Variants in OTUD7A observed in about 807,000 individuals in gnomAD.
OTUD7A encodes the protein OTU deubiquitinase 7A, also known as OTU domain-containing protein 7A.
OTUD7A carries 12 observed loss-of-function variants against 65.7 expected under a neutral mutation model. That is an observed-to-expected ratio of 0.18 (90% confidence interval 0.12 to 0.30). OTUD7A has a LOEUF of 0.30. Among genes scored for constraint, OTUD7A ranks in the 10% least tolerant of loss-of-function variants. The pLI is 1.00. For missense variants in OTUD7A, 1,148 were observed against 1,304.8 expected (o/e 0.88, Z 1.85); for synonymous variants, 641 against 586.3 (o/e 1.09, Z -1.35).
chr15:31,851,409 T>C (rs1595814585), intron 1 of OTUD7A, among the ~76,000 whole-genome samples: 1 of 152,176 alleles, frequency 6.6e-6, no homozygotes, highest in Non-Finnish European at 1.5e-5. Flanking sequence ...TAGTGGCTAG[T>C]AATGTCATAG....
chr15:31,721,790 C>G (rs2141349429), intron 1 of OTUD7A, among the ~76,000 whole-genome samples: 1 of 152,170 alleles, frequency 6.6e-6, no homozygotes, highest in East Asian at 1.9e-4. Context: ...CAGAGAAGAC[C>G]AGGGATGCCT....
At position 31,483,291 on chromosome 15, in the gene OTUD7A, C is replaced by CGCTCA. The variant is rs2041162949; in HGVS notation, c.2800_*2dup. 2 of 1,120,474 alleles carry CGCTCA rather than the reference C, an allele frequency of 1.8e-6. No individual in the cohort carries two copies. Among genetic ancestry groups the CGCTCA allele is most frequent in the Non-Finnish European group, 2.2e-6 (2 of 918,458 alleles). 69.4% of individuals were successfully genotyped at this position (1,120,474 alleles called of 1,614,324 possible). A position where few individuals can be genotyped will look rare whatever the true frequency, so the allele number is the denominator to read the frequency against. Reference sequence around the variant, plus strand: ...CCTCGCCGCCCGCGCCGCGCCGCGCCGCTCAGGGCCGGGCCCCGCGCGCCT... The same window carrying CGCTCA: ...CCTCGCCGCCCGCGCCGCGCCGCGCCGCTCAGCTCAGGGCCGGGCCCCGCGCGCCT... On this transcript the variant is annotated 3_prime_UTR_variant, in exon 13 of 13. Transcript: ENST00000307050.
chr15:31,743,469 T>C (rs144140153), intron 1 of OTUD7A, among the ~76,000 whole-genome samples: 21 of 152,262 alleles, frequency 1.4e-4, no homozygotes, highest in African/African-American at 4.1e-4. Context: ...GTGAAAGTTA[T>C]AGTACTAAAC....
At chr15:31,551,582 G>A (rs747776330) in intron 5 of OTUD7A, among the ~76,000 whole-genome samples, 1 of 152,206 alleles carries the variant, frequency 6.6e-6, no homozygotes, top group Non-Finnish European at 1.5e-5. Context: ...ATTAACTTCA[G>A]CTTTGGAGCA....
intron 4 of OTUD7A, among the ~76,000 whole-genome samples, chr15:31,566,195 G>GAAAAAAAAAAAAAAAAAAAA (rs67409184): frequency 9.4e-6 from 1 of 105,884 alleles, no homozygotes; most frequent in African/African-American, 2.8e-5. Flanking sequence ...CATCTCAAAA[G>GAAAAAAAAAAAAAAAAAAAA]AAAAAAAAAA....
At chr15:31,766,112 C>G (rs1335527529) in intron 1 of OTUD7A, 42 of 1,442,090 alleles carry the variant, frequency 2.9e-5, no homozygotes, top group Non-Finnish European at 4.0e-5. Context: ...CCACTGCAGT[C>G]TGCAAGTAAG....
Position 31,483,702 on chromosome 15 carries a change from C to T in OTUD7A, c.2394G>A (p.Leu798=), listed in dbSNP as rs1033061152. 1.6e-5 allele frequency: 18 copies of T among 1,151,862 alleles called. No individual in the cohort carries two copies. Among genetic ancestry groups the T allele is most frequent in the South Asian group, 4.0e-5 (1 of 25,136 alleles). 71.4% of individuals were successfully genotyped at this position (1,151,862 alleles called of 1,614,324 possible). ...DEACAPAVGA[L]RPCATYPQQN... ...GCTGCGGGTACGTGGCGCACGGCCG[C>T]AGCGCCCCCACGGCCGGCGCGCACG... Residue 798 remains leucine, a synonymous_variant, in exon 13 of 13, where the codon CTG becomes CTA. Transcript: ENST00000307050.
At chr15:31,733,584 G>A (rs1333813575) in intron 1 of OTUD7A, among the ~76,000 whole-genome samples, 5 of 152,166 alleles carry the variant, frequency 3.3e-5, no homozygotes, top group East Asian at 3.8e-4. Flanking sequence ...GAGCATGCCC[G>A]TGGCTCTATC....
intron 5 of OTUD7A, among the ~76,000 whole-genome samples, chr15:31,551,699 G>A (rs1227295512): frequency 1.3e-5 from 2 of 152,206 alleles, no homozygotes; most frequent in African/African-American, 4.8e-5. Context: ...AAGATGAGGG[G>A]ATTCTTGCCC....
chr15:31,842,659 G>A (rs776311156), intron 1 of OTUD7A, among the ~76,000 whole-genome samples: 1 of 152,064 alleles, frequency 6.6e-6, no homozygotes, highest in African/African-American at 2.4e-5. Context: ...GACAAGATTC[G>A]TGACTCTCCA....
At chr15:31,503,543 G>T in intron 9 of OTUD7A, 148 bp downstream of exon 9, 2 of 1,103,948 alleles carry the variant, frequency 1.8e-6, no homozygotes, top group Non-Finnish European at 2.6e-6. Context: ...CCATCAGGGA[G>T]GAGAAAGAAA....
intron 3 of OTUD7A, among the ~76,000 whole-genome samples, chr15:31,582,990 T>C (rs1889417897): frequency 6.6e-6 from 1 of 152,168 alleles, no homozygotes; most frequent in African/African-American, 2.4e-5. Flanking sequence ...TGCATGTACA[T>C]ATGATTTGAG....
chr15:31,864,796 A>AC lies in OTUD7A; in HGVS notation c.-100+5710_-100+5711insG, dbSNP rs1567061823. On this transcript the variant is annotated intron_variant, in intron 1 of 12. Transcript: ENST00000307050. ...ACACACACACACACACACACACACAAGTCAAAGCAAGTTCATCTAAGCAAT... is the reference window on the plus strand; with the variant it reads ...ACACACACACACACACACACACACAACGTCAAAGCAAGTTCATCTAAGCAAT... 9.9e-3 allele frequency among the ~76,000 whole-genome samples: 1,443 copies of AC among 145,100 alleles called. 25 individuals carry two copies. Among genetic ancestry groups the AC allele is most frequent in the African/African-American group, 0.037 (1,395 of 37,646 alleles).
chr15:31,795,008 G>T lies in OTUD7A; in HGVS notation c.-100+75499C>A, dbSNP rs192638704. Among the ~76,000 whole-genome samples, 60 of 152,214 alleles carry T rather than the reference G, an allele frequency of 3.9e-4. 1 individual carries two copies. The highest frequency in any genetic ancestry group is 3.4e-3 in the Middle Eastern group (1 of 294). ...ATAAAAATGAAAATAAGATTACTGC[G>T]GCTATAAATCTTTTAAATAATAAAA... On this transcript the variant is annotated intron_variant, in intron 1 of 12. Coordinates refer to ENST00000307050, the MANE Select transcript of OTUD7A (RefSeq NM_001382637.1).
In OTUD7A at chr15:31,484,439, C is replaced by A. The variant is rs746478184; in HGVS notation, c.1657G>T (p.Ala553Ser). The A allele has an allele frequency of 6.2e-6, 10 of 1,603,234 alleles. No homozygotes were observed. Among genetic ancestry groups the A allele is most frequent in the Non-Finnish European group, 7.6e-6 (9 of 1,179,902 alleles). ...GGLVHGKMGR[A>S]NSANGKNGDS... ...CCGTTCTTGCCATTGGCGGAGTTGGCGCGGCCCATCTTGCCGTGCACCAGG... is the reference window on the plus strand; with the variant it reads ...CCGTTCTTGCCATTGGCGGAGTTGGAGCGGCCCATCTTGCCGTGCACCAGG... Residue 553 changes from alanine (A) to serine (S), a missense_variant, in exon 13 of 13, where the codon GCC (alanine) becomes TCC (serine). By Grantham distance (99) the Ala-to-Ser change is moderately conservative. This residue lies in a region of OTUD7A where 842 missense variants were observed against 769.5 expected (regional missense o/e 1.09). Coordinates refer to ENST00000307050, the MANE Select transcript of OTUD7A (RefSeq NM_001382637.1). The surrounding 1 kb of genome is among the most constrained non-coding windows in gnomAD (Gnocchi z 4.5).
chr15:31,824,437 T>C, intron 1 of OTUD7A, among the ~76,000 whole-genome samples: 1 of 152,088 alleles, frequency 6.6e-6, no homozygotes, highest in East Asian at 1.9e-4. Context: ...ACAAAGATAA[T>C]GAAAGGAAAG....
chr15:31,505,323 G>A lies in OTUD7A; in HGVS notation c.894-1505C>T, dbSNP rs374915342. Among the ~76,000 whole-genome samples, 91 of 152,338 alleles carry A rather than the reference G, an allele frequency of 6.0e-4. No homozygotes were observed. In the South Asian group the frequency reaches 0.018, roughly 31 times the overall value. The stretch of plus-strand genomic sequence containing the variant: ...GAAGAGGAACAGGATGTGACTTACT[G>A]CTTTCTTGGACTAGTATAAGTATGC... On this transcript the variant is annotated intron_variant, in intron 8 of 12. Transcript: ENST00000307050.
chr15:31,598,392 A>G (rs1193152195), intron 3 of OTUD7A, among the ~76,000 whole-genome samples: 1 of 152,128 alleles, frequency 6.6e-6, no homozygotes, highest in Non-Finnish European at 1.5e-5. Context: ...CCCAGGAAGT[A>G]CAAGGGGTCG....
intron 1 of OTUD7A, among the ~76,000 whole-genome samples, chr15:31,673,880 A>G (rs2141298502): frequency 6.6e-6 from 1 of 152,324 alleles, no homozygotes; most frequent in South Asian, 2.1e-4. Context: ...CTCTCTGTGA[A>G]GGCTGCCCTG....
Sources: gnomAD v4.1 joint callset for allele counts (sites outside exome capture counted in the v4.1 genomes callset) on GRCh38, gnomAD v4.1.1 for gene constraint, gnomAD v4.1.1 regional missense constraint, Gnocchi (gnomAD v3.1) non-coding constraint, MANE v1.5 for transcripts, NCBI Gene and HGNC (gene_info 2026-07-23, HGNC 2026-07-21) for gene names.